The following TRAP1 variants were observed in gnomAD, a reference collection of about 807,000 sequenced individuals.
TRAP1 encodes heat shock protein 75 kDa, mitochondrial.
TRAP1 carries 102 observed loss-of-function variants against 89.1 expected under a neutral mutation model. The observed-to-expected ratio is 1.15, with a 90% CI of 0.98 to 1.35. The LOEUF (loss-of-function observed/expected upper bound fraction) is 1.35. Ranked by LOEUF, TRAP1 falls within the 40% of genes most tolerant of loss-of-function variation. TRAP1 has a pLI of 0.00. For synonymous variants in TRAP1, 508 were observed against 388.0 expected (o/e 1.31, Z -3.64); for missense variants, 1,256 against 945.3 (o/e 1.33, Z -4.31).
chr16:3,704,882 T>TA (rs1257680885), intron 1 of TRAP1, among the ~76,000 whole-genome samples: 1 of 151,798 alleles, frequency 6.6e-6, no homozygotes, highest in Non-Finnish European at 1.5e-5. Flanking sequence ...TGTCACTTAT[T>TA]AAGTCAAAAT....
intron 1 of TRAP1, among the ~76,000 whole-genome samples, chr16:3,702,995 T>C (rs1367119380): frequency 2.9e-5 from 4 of 136,310 alleles, no homozygotes; most frequent in Non-Finnish European, 6.0e-5. Context: ...TAAGCCAAGA[T>C]GCTGCCATTG....
At position 3,662,847 on chromosome 16, in the gene TRAP1, G is replaced by A. The variant is rs767133683; in HGVS notation, c.1794+35C>T. 69 of 1,607,542 alleles carry A rather than the reference G, an allele frequency of 4.3e-5. 1 individual carries two copies. The highest frequency in any genetic ancestry group is 2.2e-4 in the Admixed American group (13 of 59,990). On this transcript the variant is annotated intron_variant, in intron 15 of 17. Transcript: ENST00000246957. ...CTGGCCAGCCTGTTAGGGACACTGC[G>A]GCCAAGTGGTGGTCCATCCCCGGGA... is the stretch of plus-strand genomic sequence containing the variant.
chr16:3,697,150 G>A (rs953169609), intron 1 of TRAP1, among the ~76,000 whole-genome samples: 2 of 152,172 alleles, frequency 1.3e-5, no homozygotes, highest in Admixed American at 6.5e-5. Flanking sequence ...CCAAGTCAGT[G>A]TTGAGATGAA....
At chr16:3,672,955 A>T (rs1205668921) in intron 9 of TRAP1, 135 bp from the exon 10 acceptor site, 1 of 1,337,588 alleles carries the variant, frequency 7.5e-7, no homozygotes, top group Non-Finnish European at 9.9e-7. Flanking sequence ...CTCTGAGTTG[A>T]AGCCCAGTGC....
At position 3,664,383 on chromosome 16, in the gene TRAP1, G is replaced by A. The variant is rs2050776435; in HGVS notation, c.1460C>T (p.Ala487Val). The change falls in exon 13 of 18, where the codon GCC becomes GTC. Residue 487 changes from alanine (A) to valine (V), a missense_variant. Physicochemically the swap from Ala to Val is moderately conservative, Grantham distance 64. Transcript: ENST00000246957. ...SGQLTSLSEY[A>V]SRMRAGTRNI... Reference sequence around the variant, plus strand: ...GCGGGTGCCGGCCCGCATGCGGCTGGCGTATTCTGAGAGGCTGGTTAGCTG... The same window carrying A: ...GCGGGTGCCGGCCCGCATGCGGCTGACGTATTCTGAGAGGCTGGTTAGCTG... 6.2e-7 allele frequency: 1 copy of A among 1,612,714 alleles called. No homozygotes were observed. Among genetic ancestry groups the A allele is most frequent in the East Asian group, 2.2e-5 (1 of 44,852 alleles).
chr16:3,711,432 C>G (rs550130504), intron 1 of TRAP1, among the ~76,000 whole-genome samples: 1 of 152,102 alleles, frequency 6.6e-6, no homozygotes, highest in Admixed American at 6.6e-5. Context: ...AACTCTACCT[C>G]AACTAAAAAT....
intron 1 of TRAP1, among the ~76,000 whole-genome samples, chr16:3,707,184 C>CT (rs747339831): frequency 0.012 from 1,620 of 130,032 alleles, 17 homozygotes; most frequent in Middle Eastern, 0.046. Flanking sequence ...AAGAGGAAAT[C>CT]TTTTTTTTTT....
intron 9 of TRAP1, among the ~76,000 whole-genome samples, chr16:3,673,425 A>G (rs953263079): frequency 2.6e-5 from 4 of 152,182 alleles, no homozygotes; most frequent in Non-Finnish European, 4.4e-5. Context: ...GTGCCTGCCA[A>G]CACCTGCTCC....
intron 3 of TRAP1, 56 bp downstream of exon 3, chr16:3,688,999 C>A (rs1442204581): frequency 6.6e-7 from 1 of 1,518,778 alleles, no homozygotes; most frequent in African/African-American, 1.4e-5. Flanking sequence ...GGCATAAAAA[C>A]CAGCTTTGTG....
intron 1 of TRAP1, among the ~76,000 whole-genome samples, chr16:3,707,846 A>G (rs1480985208): frequency 6.8e-4 from 90 of 131,444 alleles, no homozygotes; most frequent in African/African-American, 2.5e-3. Flanking sequence ...AGACAGAGCG[A>G]GACTCTAACT....
rs773700320 is a variant in TRAP1, at chr16:3,689,143, A to G, written c.248-6T>C. ...CTCATGTTTGGAAGTGGAACCTAGT[A>G]ATGAAACACAGACACAACCAACAAA... is the stretch of plus-strand genomic sequence containing the variant. On this transcript the variant is annotated splice_polypyrimidine_tract_variant and splice_region_variant and intron_variant, in intron 2 of 17. Transcript: ENST00000246957. 14 of 1,612,316 alleles carry G rather than the reference A, an allele frequency of 8.7e-6. No homozygotes were observed. The Admixed American group carries it at 2.3e-4, about 27-fold the overall frequency.
chr16:3,668,459 A>G (rs1344554165), intron 11 of TRAP1, among the ~76,000 whole-genome samples: 1 of 152,240 alleles, frequency 6.6e-6, no homozygotes, highest in African/African-American at 2.4e-5. Context: ...TCTGTTAATT[A>G]CAAAGGGAAG....
At chr16:3,675,181 CCCACACCCAGGTCTCATCT>C in intron 8 of TRAP1, 124 bp downstream of exon 8, 1 of 741,744 alleles carries the variant, frequency 1.3e-6, no homozygotes, top group Non-Finnish European at 2.2e-6. Context: ...CTGTCTCATC[CCCACACCCAGGTCTCATCT>C]CCACAGAGCA....
At chr16:3,663,710 A>G (rs1038199975) in intron 13 of TRAP1, 148 bp from the exon 14 acceptor site, 23 of 911,370 alleles carry the variant, frequency 2.5e-5, no homozygotes, top group Middle Eastern at 3.4e-4. Flanking sequence ...CCTGCATGAC[A>G]GTTACTACGA....
intron 13 of TRAP1, 150 bp downstream of exon 13, chr16:3,664,124 C>A (rs751496020): frequency 1.2e-4 from 94 of 797,498 alleles, no homozygotes; most frequent in Admixed American, 3.6e-4. Context: ...ACAGCCGTCA[C>A]AGTCGGTCCG....
intron 1 of TRAP1, among the ~76,000 whole-genome samples, chr16:3,715,253 A>G (rs979214746): frequency 6.6e-6 from 1 of 152,188 alleles, no homozygotes; most frequent in African/African-American, 2.4e-5. Context: ...CCTGGCTAAC[A>G]GGGTGAAACC....
intron 4 of TRAP1, among the ~76,000 whole-genome samples, chr16:3,685,487 G>A (rs547814242): frequency 1.6e-4 from 25 of 151,762 alleles, no homozygotes; most frequent in African/African-American, 4.4e-4. Context: ...AGACACCCCC[G>A]CAATGACGCC....
At chr16:3,712,285 C>CAAAAAAAAAAAA (rs764259574) in intron 1 of TRAP1, among the ~76,000 whole-genome samples, 3 of 32,080 alleles carry the variant, frequency 9.4e-5, no homozygotes, top group African/African-American at 2.3e-4. Context: ...GAATCTGTCT[C>CAAAAAAAAAAAA]AAAAAAAAAA....
At chr16:3,703,456 T>A (rs1346941150) in intron 1 of TRAP1, among the ~76,000 whole-genome samples, 1 of 151,866 alleles carries the variant, frequency 6.6e-6, no homozygotes, top group Non-Finnish European at 1.5e-5. Context: ...ACACTAGAGG[T>A]AGAACAGCGG....
Sources: allele counts gnomAD v4.1 joint callset (sites outside exome capture counted in the v4.1 genomes callset), GRCh38; gene constraint gnomAD v4.1.1; transcripts MANE v1.5; gene names NCBI Gene and HGNC (gene_info 2026-07-23, HGNC 2026-07-21).